Variants in MCM10 observed in about 807,000 individuals in gnomAD.
The protein encoded by MCM10 is protein MCM10 homolog.
MCM10 carries 91 observed loss-of-function variants against 109.9 expected under a neutral mutation model. The ratio of observed to expected loss-of-function variants is 0.83; its 90% CI spans 0.70 to 0.99. The LOEUF (loss-of-function observed/expected upper bound fraction) is 0.99, where lower values mean the gene tolerates loss of function less well. Ranked by LOEUF, MCM10 falls within the 50% of genes least tolerant of loss-of-function variation. The pLI, the probability that MCM10 is intolerant of heterozygous loss-of-function variation, is 0.00. For missense variants in MCM10, 1,077 were observed against 1,061.2 expected (o/e 1.01, Z -0.21); for synonymous variants, 380 against 387.2 (o/e 0.98, Z 0.22).
At chr10:13,179,070 G>T (rs934176711) in intron 6 of MCM10, among the ~76,000 whole-genome samples, 1 of 152,114 alleles carries the variant, frequency 6.6e-6, no homozygotes, top group East Asian at 1.9e-4. Context: ...CAACTTTATT[G>T]AATTTATTTA....
chr10:13,205,774 C>T (rs1272386686), intron 18 of MCM10, among the ~76,000 whole-genome samples: 1 of 152,200 alleles, frequency 6.6e-6, no homozygotes, highest in Non-Finnish European at 1.5e-5. Flanking sequence ...TTTGGACCCA[C>T]GGATGGGATG....
At chr10:13,204,198 G>GT (rs1834537985) in intron 17 of MCM10, 21 bp from the exon 18 acceptor site, 3 of 1,607,566 alleles carry the variant, frequency 1.9e-6, no homozygotes, top group Middle Eastern at 1.7e-4. Flanking sequence ...GGCGGTGTGG[G>GT]TTTTTTGTTG....
Position 13,175,700 on chromosome 10 carries a change from T to C in MCM10, c.764+19T>C. On this transcript the variant is annotated intron_variant, in intron 6 of 19. Coordinates refer to ENST00000378714, the MANE Select transcript of MCM10 (RefSeq NM_018518.5). ...GGCTCAGGTCAGTAGCTAAACCATC[T>C]ATTCATGTGCGCCACGGCATAGCTT... The C allele has an allele frequency of 1.9e-6, 3 of 1,556,264 alleles. No homozygotes were observed. Among genetic ancestry groups the C allele is most frequent in the Non-Finnish European group, 2.6e-6 (3 of 1,144,636 alleles).
chr10:13,180,334 CAGGT>C (rs1264114305), intron 6 of MCM10, 104 bp from the exon 7 acceptor site: 15 of 799,524 alleles, frequency 1.9e-5, no homozygotes, highest in Non-Finnish European at 2.7e-5. Context: ...TTCCCAAGAA[CAGGT>C]ACTGTAGAGG....
chr10:13,197,546 TAAA>T, intron 14 of MCM10, 74 bp from the exon 15 acceptor site: 2 of 1,377,156 alleles, frequency 1.5e-6, no homozygotes, highest in South Asian at 2.7e-5. Context: ...TGGTTACTAA[TAAA>T]AAAGGGATCC....
At position 13,172,531 on chromosome 10, in the gene MCM10, T is replaced by C. The variant is rs1234149626; in HGVS notation, c.454+51T>C. The C allele has an allele frequency of 6.3e-7, 1 of 1,594,412 alleles. No individual in the cohort carries two copies. On this transcript the variant is annotated intron_variant, in intron 4 of 19. Coordinates refer to ENST00000378714, the MANE Select transcript of MCM10 (RefSeq NM_018518.5). The surrounding 1 kb of genome is among the most constrained non-coding windows in gnomAD (Gnocchi z 5.2). ...CGTGTGCATTTATTTTATTAGAAATTATCACATCATTTCTGCATCCAACTC... is the reference window on the plus strand; with the variant it reads ...CGTGTGCATTTATTTTATTAGAAATCATCACATCATTTCTGCATCCAACTC...
chr10:13,169,769 G>A (rs972043111), intron 2 of MCM10, among the ~76,000 whole-genome samples: 2 of 152,170 alleles, frequency 1.3e-5, no homozygotes, highest in African/African-American at 2.4e-5. Context: ...GCAGTGGTGC[G>A]ATCTCGGCTC....
chr10:13,183,489 A>C (rs1834235748), intron 8 of MCM10, among the ~76,000 whole-genome samples: 1 of 152,152 alleles, frequency 6.6e-6, no homozygotes, highest in Non-Finnish European at 1.5e-5. Flanking sequence ...ACCTCCAGAA[A>C]ATAAGTCATG....
chr10:13,167,460 A>T (rs1377814894), intron 2 of MCM10, among the ~76,000 whole-genome samples: 1 of 152,054 alleles, frequency 6.6e-6, no homozygotes, highest in African/African-American at 2.4e-5. Flanking sequence ...TGGAGTTACT[A>T]TGGGAGTGGG....
intron 8 of MCM10, 122 bp downstream of exon 8, chr10:13,183,222 C>A: frequency 2.7e-6 from 3 of 1,095,336 alleles, no homozygotes; most frequent in Non-Finnish European, 3.9e-6. Flanking sequence ...TTGGGGAGGC[C>A]AAAGCGGGAG....
In MCM10 at chr10:13,201,414, A is replaced by AT; in HGVS notation, c.2239-5dup. On this transcript the variant is annotated splice_polypyrimidine_tract_variant and splice_region_variant and intron_variant, in intron 16 of 19. Coordinates refer to ENST00000378714, the MANE Select transcript of MCM10 (RefSeq NM_018518.5). ...ACCAGGTCTTTCATTATGCCCTGTC[A>AT]TTCCAGGCCGAGGCTGAGATGCAGG... 1.9e-6 allele frequency: 3 copies of AT among 1,601,308 alleles called. No homozygotes were observed. Among genetic ancestry groups the AT allele is most frequent in the Non-Finnish European group, 2.6e-6 (3 of 1,170,378 alleles).
intron 6 of MCM10, among the ~76,000 whole-genome samples, chr10:13,177,836 CA>C (rs1834161927): frequency 7.7e-6 from 1 of 129,708 alleles, no homozygotes; most frequent in Non-Finnish European, 1.6e-5. Flanking sequence ...GACAACAGAG[CA>C]AGACCCTATC....
At position 13,180,424 on chromosome 10, in the gene MCM10, G is replaced by T. The variant is rs777222728; in HGVS notation, c.765-18G>T. On this transcript the variant is annotated intron_variant, in intron 6 of 19. Transcript: ENST00000378714. ...TTTATTAGAATCATAATTACTAATC[G>T]CTGGTTTCTTAACCCAGGCGGCCTC... The T allele has an allele frequency of 2.3e-5, 37 of 1,601,044 alleles. No individual in the cohort carries two copies. The highest frequency in any genetic ancestry group is 3.0e-5 in the Non-Finnish European group (35 of 1,174,544).
chr10:13,204,995 TATGTATGTA>T (rs1834554688), intron 18 of MCM10, among the ~76,000 whole-genome samples: 3 of 3,020 alleles, frequency 9.9e-4, no homozygotes, highest in African/African-American at 2.0e-3. Flanking sequence ...TGTATGTATG[TATGTATGTA>T]TATATATATA....
rs747649256 is a variant in MCM10, at chr10:13,171,149, G to A, written c.235G>A (p.Gly79Arg). 2 of 1,614,020 alleles carry A rather than the reference G, an allele frequency of 1.2e-6. No individual in the cohort carries two copies. The highest frequency in any genetic ancestry group is 8.5e-7 in the Non-Finnish European group (1 of 1,179,974). The change falls in exon 3 of 20, where the codon GGA becomes AGA. Residue 79 changes from glycine (G) to arginine (R), a missense_variant. Transcript: ENST00000378714. ...AAAGGAAAATCTGGCCACTCTCTTT[G>A]GAGATATGGAGGACTTAACAGATGA... The part of the protein sequence containing the change: ...DEKENLATLF[G>R]DMEDLTDEEE...
intron 6 of MCM10, among the ~76,000 whole-genome samples, chr10:13,180,005 G>A (rs1004286563): frequency 4.6e-5 from 7 of 152,276 alleles, no homozygotes; most frequent in African/African-American, 1.4e-4. Flanking sequence ...TGTAATCCCC[G>A]CACTTTGGGA....
chr10:13,184,278 C>T (rs1834247042), intron 8 of MCM10, among the ~76,000 whole-genome samples: 1 of 152,124 alleles, frequency 6.6e-6, no homozygotes, highest in Non-Finnish European at 1.5e-5. Context: ...CAAGTGTGAG[C>T]CACCGTGCCC....
At chr10:13,175,262 G>A (rs967618564) in intron 5 of MCM10, among the ~76,000 whole-genome samples, 6 of 152,000 alleles carry the variant, frequency 3.9e-5, no homozygotes, top group East Asian at 1.9e-4. Context: ...GGCAAAACCC[G>A]TCTCTACAAA....
At chr10:13,187,154 C>G (rs958482983) in intron 9 of MCM10, among the ~76,000 whole-genome samples, 2 of 152,176 alleles carry the variant, frequency 1.3e-5, no homozygotes, top group African/African-American at 4.8e-5. Flanking sequence ...CTCCCCCAGC[C>G]CCTGGTAAGC....
Sources: gnomAD v4.1 joint callset for allele counts (sites outside exome capture counted in the v4.1 genomes callset) on GRCh38, gnomAD v4.1.1 for gene constraint, Gnocchi (gnomAD v3.1) non-coding constraint, MANE v1.5 for transcripts, NCBI Gene and HGNC (gene_info 2026-07-23, HGNC 2026-07-21) for gene names.